Variants in NPM2 observed in about 807,000 individuals in gnomAD.
NPM2 encodes the protein nucleophosmin/nucleoplasmin 2.
In NPM2, 25 loss-of-function variants were observed where a neutral mutation model predicts 32.0. That is an observed-to-expected ratio of 0.78 (90% CI 0.57 to 1.09). The LOEUF (loss-of-function observed/expected upper bound fraction) is 1.09, where lower values mean the gene tolerates loss of function less well. Among genes scored for constraint, NPM2 ranks in the 50% least tolerant of loss-of-function variants. The probability of loss-of-function intolerance (pLI) is 0.00; values close to 1 mark genes in which losing one functional copy is unlikely to be tolerated. For missense variants in NPM2, 282 were observed against 259.9 expected (o/e 1.08, Z -0.58); for synonymous variants, 111 against 94.2 (o/e 1.18, Z -1.04).
intron 8 of NPM2, 97 bp downstream of exon 8, chr8:22,034,641 T>TAG: frequency 1.9e-6 from 2 of 1,039,714 alleles, no homozygotes; most frequent in Non-Finnish European, 2.9e-6. Context: ...TGTACAAATG[T>TAG]ACACACGGTG....
chr8:22,035,738 A>T (rs1367294671), intron 8 of NPM2, among the ~76,000 whole-genome samples: 1 of 152,204 alleles, frequency 6.6e-6, no homozygotes. Context: ...GTTCAAGACC[A>T]GCCTTGCCAA....
chr8:22,030,337 C>G (rs1800396744), intron 5 of NPM2, among the ~76,000 whole-genome samples: 1 of 152,124 alleles, frequency 6.6e-6, no homozygotes, highest in African/African-American at 2.4e-5. Context: ...CTCCTGGGCT[C>G]AAGTGATCCT....
At chr8:22,027,770 C>T (rs1800304861) in intron 5 of NPM2, among the ~76,000 whole-genome samples, 1 of 152,132 alleles carries the variant, frequency 6.6e-6, no homozygotes, top group Non-Finnish European at 1.5e-5. Context: ...CTACGCCAGG[C>T]TAATTTTTGT....
rs1468419082 is a variant in NPM2 at position 22,024,494 on chromosome 8, T to C, written c.-270T>C. The C allele has an allele frequency of 1.3e-5, 2 of 151,926 alleles. No individual in the cohort carries two copies. The highest frequency in any genetic ancestry group is 3.9e-4 in the East Asian group (2 of 5,150). 9.4% of individuals were successfully genotyped at this position (151,926 alleles called of 1,614,324 possible). A position where few individuals can be genotyped will look rare whatever the true frequency, so the allele number is the denominator to read the frequency against. On this transcript the variant is annotated 5_prime_UTR_variant, in exon 1 of 10. Coordinates refer to ENST00000518119, the MANE Select transcript of NPM2 (RefSeq NM_001286680.2). ...GGCCGGGACAGCTTCTCACGAAAGG[T>C]CCTGGGCCGGCATCATCAGCCTCAC...
intron 3 of NPM2, 46 bp downstream of exon 3, chr8:22,025,352 G>A: frequency 6.2e-7 from 1 of 1,600,340 alleles, no homozygotes; most frequent in Non-Finnish European, 8.5e-7. Context: ...CCCCACCTCC[G>A]GTGCGCGGCA....
intron 5 of NPM2, among the ~76,000 whole-genome samples, chr8:22,032,228 A>G (rs1800465092): frequency 1.3e-5 from 2 of 152,260 alleles, no homozygotes; most frequent in South Asian, 4.1e-4. Context: ...AGTTTGGAAA[A>G]GTATAAATAC....
intron 5 of NPM2, among the ~76,000 whole-genome samples, chr8:22,030,244 T>C (rs1344992351): frequency 6.6e-6 from 1 of 152,184 alleles, no homozygotes; most frequent in Non-Finnish European, 1.5e-5. Context: ...GGTTTTCTTT[T>C]ATTTTTGTTT....
chr8:22,034,045 G>A, intron 6 of NPM2, 64 bp from the exon 7 acceptor site: 1 of 1,534,362 alleles, frequency 6.5e-7, no homozygotes, highest in Non-Finnish European at 8.8e-7. Flanking sequence ...CACAGAATGG[G>A]AGGTGGGCAT....
At position 22,036,457 on chromosome 8, in the gene NPM2, C is replaced by G. The variant is rs112730602; in HGVS notation, c.567-36C>G. The G allele has an allele frequency of 5.1e-4, 817 of 1,593,030 alleles. 2 individuals carry two copies. The African/African-American group carries it at 0.01, about 20-fold the overall frequency. ...CTGGAGCTGAGCTCTCTCCCTGACC[C>G]CAATCCCACTCCTGCTCCGCTCCAC... On this transcript the variant is annotated intron_variant, in intron 8 of 9. Transcript: ENST00000518119.
At position 22,036,740 on chromosome 8, in the gene NPM2, G is replaced by A; in HGVS notation, c.*58G>A. On this transcript the variant is annotated 3_prime_UTR_variant, in exon 10 of 10. Transcript: ENST00000518119. ...GGGCCTTCCCTGGGCTGTGCTGCAG[G>A]CACAGGGTGCCCCTGTCCAGCCCCT... 2.0e-6 allele frequency: 3 copies of A among 1,492,252 alleles called. No individual in the cohort carries two copies. The South Asian group carries it at 3.9e-5, about 19-fold the overall frequency. 92.4% of individuals were successfully genotyped at this position (1,492,252 alleles called of 1,614,324 possible). A position where few individuals can be genotyped will look rare whatever the true frequency, so the allele number is the denominator to read the frequency against.
chr8:22,031,727 T>G (rs1800448783), intron 5 of NPM2, among the ~76,000 whole-genome samples: 1 of 152,250 alleles, frequency 6.6e-6, no homozygotes, highest in South Asian at 2.1e-4. Flanking sequence ...ATTACAGGCA[T>G]GAGCCACCGT....
intron 9 of NPM2, 32 bp downstream of exon 9, chr8:22,036,558 G>A (rs1800629491): frequency 6.3e-7 from 1 of 1,581,330 alleles, no homozygotes; most frequent in Non-Finnish European, 8.6e-7. Context: ...TGGCCCTTGG[G>A]ACAGGCGAGT....
At chr8:22,028,654 T>C (rs1585512321) in intron 5 of NPM2, among the ~76,000 whole-genome samples, 1 of 152,118 alleles carries the variant, frequency 6.6e-6, no homozygotes, top group African/African-American at 2.4e-5. Flanking sequence ...AAACACAGGT[T>C]AGATCATGTG....
In NPM2 at chr8:22,034,151, GGGAGGA is replaced by G. The variant is rs751687470; in HGVS notation, c.414_419del (p.Glu143_Glu144del). 31 of 1,611,232 alleles carry G rather than the reference GGGAGGA, an allele frequency of 1.9e-5. No individual in the cohort carries two copies. Among genetic ancestry groups the G allele is most frequent in the Non-Finnish European group, 2.5e-5 (30 of 1,178,824 alleles). On this transcript the variant is annotated inframe_deletion, in exon 7 of 10. Coordinates refer to ENST00000518119, the MANE Select transcript of NPM2 (RefSeq NM_001286680.2). ...TGGGAGGAGGAGGAGGAAGAAGAAG[GGGAGGA>G]GGAGGAAGAGGAAGAGGAAGATGAT...
intron 5 of NPM2, among the ~76,000 whole-genome samples, chr8:22,032,911 CTCTA>C (rs1363583367): frequency 6.6e-6 from 1 of 152,080 alleles, no homozygotes; most frequent in African/African-American, 2.4e-5. Context: ...AATCAGATTC[CTCTA>C]TCTGACGGCT....
rs568010615 is a variant in NPM2 at position 22,025,098 on chromosome 8, G to A, written c.-33-118G>A. 1.2e-4 allele frequency: 90 copies of A among 770,608 alleles called. No homozygotes were observed. The Admixed American group carries it at 2.3e-3, about 20-fold the overall frequency. 47.7% of individuals were successfully genotyped at this position (770,608 alleles called of 1,614,324 possible). On this transcript the variant is annotated intron_variant, in intron 2 of 9. Transcript: ENST00000518119. ...TGCCGGTGAGCCCTTGACCGTGGCA[G>A]GTCCCCTCCAGCCGCGAGCGACCCC...
Sources: allele counts gnomAD v4.1 joint callset (sites outside exome capture counted in the v4.1 genomes callset), GRCh38; gene constraint gnomAD v4.1.1; transcripts MANE v1.5; gene names NCBI Gene and HGNC (gene_info 2026-07-23, HGNC 2026-07-21).